Variants in NDUFS2 observed in about 807,000 individuals in gnomAD.
NDUFS2 encodes NADH:ubiquinone oxidoreductase core subunit S2.
In NDUFS2, 38 loss-of-function variants were observed where a neutral mutation model predicts 69.6. The observed-to-expected ratio is 0.55, with a 90% CI of 0.42 to 0.72. The LOEUF is 0.72. Among genes scored for constraint, NDUFS2 ranks in the 30% least tolerant of loss-of-function variants. NDUFS2 has a pLI of 0.00. For synonymous variants in NDUFS2, 194 were observed against 211.2 expected, an observed-to-expected ratio of 0.92 and a Z score of 0.70; for missense variants, 468 against 595.0, an observed-to-expected ratio of 0.79 and a Z score of 2.22.
chr1:161,198,643 G>A, upstream of NDUFS2: 2 of 1,490,026 alleles, frequency 1.3e-6, no homozygotes, highest in Non-Finnish European at 1.8e-6. This position sits in a 1 kb window ranked among gnomAD's most constrained non-coding sequence, Gnocchi z 4.7. Flanking sequence ...TGGTACTGCA[G>A]CTGGGAGGGA....
chr1:161,202,847 C>G (rs1048551782), intron 1 of NDUFS2, among the ~76,000 whole-genome samples: 3 of 152,140 alleles, frequency 2.0e-5, no homozygotes, highest in Non-Finnish European at 2.9e-5. Context: ...TTGATAATAT[C>G]AATATGATGA....
chr1:161,211,729 T>TG (rs973606225), intron 9 of NDUFS2, among the ~76,000 whole-genome samples: 2 of 152,152 alleles, frequency 1.3e-5, no homozygotes, highest in East Asian at 1.9e-4. Flanking sequence ...CTGTGTATTG[T>TG]TTTTTTTATT....
At chr1:161,212,181 A>AG in intron 9 of NDUFS2, among the ~76,000 whole-genome samples, 170 bp from the exon 10 acceptor site, 1 of 151,930 alleles carries the variant, frequency 6.6e-6, no homozygotes, top group Non-Finnish European at 1.5e-5. Context: ...AAAAAAAAAA[A>AG]AAGACTACAG....
chr1:161,212,380 A>C lies in NDUFS2; in HGVS notation c.1016A>C (p.Gln339Pro). The C allele has an allele frequency of 1.2e-6, 2 of 1,613,772 alleles. No homozygotes were observed. The highest frequency in any genetic ancestry group is 1.7e-6 in the Non-Finnish European group (2 of 1,179,808). Residue 339 changes from glutamine (Q) to proline (P), a missense_variant, in exon 10 of 14, where the codon CAG becomes CCG. Gln to Pro is a moderately conservative substitution (Grantham distance 76, BLOSUM62 -1). This residue lies in a region of NDUFS2 where 339 missense variants were observed against 433.8 expected (regional missense o/e 0.78). Coordinates refer to ENST00000676972, the MANE Select transcript of NDUFS2 (RefSeq NM_001377299.1). ...CTGTGCCGGGTGGAGGAGATGCGCC[A>C]GTCCCTGAGAATTATCGCACAGTGT... ...RYLCRVEEMR[Q>P]SLRIIAQCLN...
At chr1:161,213,247 GTA>G (rs1439374187) in intron 10 of NDUFS2, 131 bp from the exon 11 acceptor site, 1 of 696,608 alleles carries the variant, frequency 1.4e-6, no homozygotes, top group Non-Finnish European at 2.6e-6. Context: ...GTTTTATTCT[GTA>G]TCCTCTCTGC....
At chr1:161,210,743 C>T in intron 9 of NDUFS2, 33 bp downstream of exon 9, 1 of 1,613,680 alleles carries the variant, frequency 6.2e-7, no homozygotes, top group Non-Finnish European at 8.5e-7. Context: ...GCTGATATTC[C>T]AGCTAGTTTC....
chr1:161,214,157 T>A lies in NDUFS2; in HGVS notation c.1356T>A (p.Gly452=). Residue 452 remains glycine (G), a splice_region_variant and synonymous_variant, in exon 14 of 14, where the codon GGT becomes GGA. Transcript: ENST00000676972. ...TTTTTCCTCCATCCTCTCACCTAGG[T>A]ACCCAAGATATTGTATTTGGAGAAG... The part of the protein sequence containing the change: ...HMLADVVAII[G]TQDIVFGEVD... The A allele has an allele frequency of 2.5e-6, 4 of 1,613,978 alleles. No homozygotes were observed. The highest frequency in any genetic ancestry group is 3.4e-6 in the Non-Finnish European group (4 of 1,179,908).
intron 3 of NDUFS2, among the ~76,000 whole-genome samples, chr1:161,207,143 A>C (rs1571610052): frequency 6.6e-6 from 1 of 152,148 alleles, no homozygotes; most frequent in Non-Finnish European, 1.5e-5. Flanking sequence ...TTTTTTTCTT[A>C]CTGTCATGAA....
At chr1:161,205,048 CAA>C (rs57271297) in intron 2 of NDUFS2, among the ~76,000 whole-genome samples, 10 of 111,430 alleles carry the variant, frequency 9.0e-5, no homozygotes, top group Admixed American at 9.7e-5. Flanking sequence ...AAGACTGTCT[CAA>C]AAAAAAAAAA....
chr1:161,206,680 G>C, intron 3 of NDUFS2, 83 bp downstream of exon 3: 1 of 1,428,800 alleles, frequency 7.0e-7, no homozygotes, highest in Non-Finnish European at 9.6e-7. Context: ...CCCTTAAAAC[G>C]TGAGGGGAGG....
chr1:161,198,282 G>C (rs762564442), upstream of NDUFS2: 5 of 1,613,676 alleles, frequency 3.1e-6, no homozygotes, highest in South Asian at 2.2e-5. This position sits in a 1 kb window ranked among gnomAD's most constrained non-coding sequence, Gnocchi z 4.7. Flanking sequence ...AGCAGCTCAG[G>C]CGCCTGGCCC....
At chr1:161,212,214 A>G in intron 9 of NDUFS2, 137 bp from the exon 10 acceptor site, 1 of 1,132,092 alleles carries the variant, frequency 8.8e-7, no homozygotes, top group African/African-American at 1.5e-5. Flanking sequence ...TGGCCAAGCC[A>G]AGCAGAGATG....
At chr1:161,197,928 G>A (rs2102018851), upstream of NDUFS2, 3 of 1,511,100 alleles carry the variant, frequency 2.0e-6, no homozygotes, top group Non-Finnish European at 2.7e-6. Flanking sequence ...GAGAGAGGGT[G>A]AATAGGGGTC....
At chr1:161,198,433 C>A, upstream of NDUFS2, 1 of 1,591,838 alleles carries the variant, frequency 6.3e-7, no homozygotes, top group Non-Finnish European at 8.6e-7. This position sits in a 1 kb window ranked among gnomAD's most constrained non-coding sequence, Gnocchi z 4.7. Flanking sequence ...CGTTGAGCTT[C>A]TCTGGAAACA....
At chr1:161,213,251 C>A in intron 10 of NDUFS2, 129 bp from the exon 11 acceptor site, 1 of 701,528 alleles carries the variant, frequency 1.4e-6, no homozygotes, top group Non-Finnish European at 2.6e-6. Context: ...TATTCTGTAT[C>A]CTCTCTGCTT....
upstream of NDUFS2, chr1:161,198,411 G>C (rs199841531): frequency 1.3e-5 from 21 of 1,604,086 alleles, no homozygotes; most frequent in Non-Finnish European, 1.7e-5. This position sits in a 1 kb window ranked among gnomAD's most constrained non-coding sequence, Gnocchi z 4.7. Flanking sequence ...CCCGAGCCAG[G>C]CAGGACGCTG....
chr1:161,214,039 A>G, intron 13 of NDUFS2, 117 bp from the exon 14 acceptor site: 1 of 1,613,390 alleles, frequency 6.2e-7, no homozygotes, highest in Non-Finnish European at 8.5e-7. Flanking sequence ...TCGGGTCCTC[A>G]ATCTTTTGAG....
intron 3 of NDUFS2, among the ~76,000 whole-genome samples, chr1:161,208,209 TC>T (rs972870573): frequency 3.3e-5 from 5 of 151,808 alleles, no homozygotes; most frequent in Non-Finnish European, 5.9e-5. Flanking sequence ...GGTCTCAAAC[TC>T]CTGACCTCAT....
In NDUFS2 at chr1:161,214,152, C is replaced by G. The variant is rs147235167; in HGVS notation, c.1355-4C>G. On this transcript the variant is annotated splice_region_variant and splice_polypyrimidine_tract_variant and intron_variant, in intron 13 of 13. Coordinates refer to ENST00000676972, the MANE Select transcript of NDUFS2 (RefSeq NM_001377299.1). ...TCACTTTTTTCCTCCATCCTCTCAC[C>G]TAGGTACCCAAGATATTGTATTTGG... is the stretch of plus-strand genomic sequence containing the variant. The G allele has an allele frequency of 4.7e-4, 763 of 1,614,002 alleles. 4 individuals are homozygous for G. The African/African-American group carries it at 9.0e-3, about 19-fold the overall frequency.
Sources: gnomAD v4.1 joint callset for allele counts (sites outside exome capture counted in the v4.1 genomes callset) on GRCh38, gnomAD v4.1.1 for gene constraint, gnomAD v4.1.1 regional missense constraint, Gnocchi (gnomAD v3.1) non-coding constraint, MANE v1.5 for transcripts, NCBI Gene and HGNC (gene_info 2026-07-23, HGNC 2026-07-21) for gene names.